DHX57: variants seen among roughly 807,000 people sequenced by gnomAD.
DHX57 encodes DExH-box helicase 57, also known as putative ATP-dependent RNA helicase DHX57.
DHX57 carries 105 observed loss-of-function variants against 156.2 expected under a neutral mutation model. The observed-to-expected ratio is 0.67, with a 90% confidence interval of 0.57 to 0.79. The LOEUF is 0.79. Among genes scored for constraint, DHX57 ranks in the 30% least tolerant of loss-of-function variants. The pLI, the probability that DHX57 is intolerant of heterozygous loss-of-function variation, is 0.00. For synonymous variants in DHX57, 704 were observed against 595.6 expected (o/e 1.18, Z -2.65); for missense variants, 1,847 against 1,661.9 (o/e 1.11, Z -1.94).
At chr2:38,815,035 T>A (rs546645620) in intron 20 of DHX57, among the ~76,000 whole-genome samples, 77 of 151,790 alleles carry the variant, frequency 5.1e-4, no homozygotes, top group South Asian at 1.0e-3. Context: ...TCTATTCTTA[T>A]GAGTGTTAGC....
chr2:38,812,866 G>GTTTGTTTTTC (rs1485906291), intron 21 of DHX57, among the ~76,000 whole-genome samples: 1 of 15,116 alleles, frequency 6.6e-5, no homozygotes, highest in Non-Finnish European at 2.3e-4. Flanking sequence ...GTTTGTTTTT[G>GTTTGTTTTTC]AGACAGAGTC....
At chr2:38,846,093 C>A (rs573950394) in intron 11 of DHX57, among the ~76,000 whole-genome samples, 1 of 151,992 alleles carries the variant, frequency 6.6e-6, no homozygotes, top group African/African-American at 2.4e-5. Flanking sequence ...CTTGAACTCC[C>A]GCCCTCAGGT....
chr2:38,813,064 T>G (rs1670352862), intron 21 of DHX57, among the ~76,000 whole-genome samples: 2 of 151,790 alleles, frequency 1.3e-5, no homozygotes, highest in Admixed American at 1.3e-4. Flanking sequence ...GCCAGGAGGG[T>G]CTTAAACTCC....
At chr2:38,875,162 G>A (rs1029953460) in intron 1 of DHX57, among the ~76,000 whole-genome samples, 1 of 152,192 alleles carries the variant, frequency 6.6e-6, no homozygotes, top group African/African-American at 2.4e-5. Flanking sequence ...GAGTTTTCAA[G>A]GGAATAGGAA....
chr2:38,867,570 G>C (rs1031296365), intron 2 of DHX57, among the ~76,000 whole-genome samples: 1 of 152,082 alleles, frequency 6.6e-6, no homozygotes, highest in Admixed American at 6.6e-5. Context: ...TTCAATGTTT[G>C]TTTTTTGAGA....
At chr2:38,836,643 G>A (rs1056151692) in intron 13 of DHX57, among the ~76,000 whole-genome samples, 5 of 151,868 alleles carry the variant, frequency 3.3e-5, no homozygotes, top group Non-Finnish European at 7.4e-5. Context: ...GCGTGGAGGT[G>A]CACACCTGTA....
intron 2 of DHX57, among the ~76,000 whole-genome samples, chr2:38,866,923 A>G (rs1665106376): frequency 6.6e-6 from 1 of 152,214 alleles, no homozygotes; most frequent in African/African-American, 2.4e-5. Flanking sequence ...ATAGTAGTGT[A>G]CAGTAATATC....
At chr2:38,811,345 C>T (rs1476910538) in intron 21 of DHX57, 2 of 526,930 alleles carry the variant, frequency 3.8e-6, no homozygotes, top group South Asian at 1.6e-5. Context: ...CATACTTTGC[C>T]CCCTCCCACT....
In DHX57 at chr2:38,798,223, C is replaced by T. The variant is rs1305002396; in HGVS notation, c.*76G>A. ...GGCCAGCCCCAATAGGTCTTTAGTT[C>T]GAGGTAGAGGTTCTGCTGTTATTTC... On this transcript the variant is annotated 3_prime_UTR_variant, in exon 24 of 24. Transcript: ENST00000457308. 18 of 1,539,330 alleles carry T rather than the reference C, an allele frequency of 1.2e-5. No homozygotes were observed. The highest frequency in any genetic ancestry group is 2.3e-5 in the East Asian group (1 of 44,232).
chr2:38,868,094 C>A, intron 2 of DHX57, 88 bp downstream of exon 2: 1 of 1,512,576 alleles, frequency 6.6e-7, no homozygotes, highest in Non-Finnish European at 9.0e-7. Context: ...AATTACTCGA[C>A]TTTTTTTCCA....
intron 21 of DHX57, chr2:38,810,801 G>T (rs781692816): frequency 2.0e-5 from 15 of 752,818 alleles, no homozygotes; most frequent in Non-Finnish European, 3.3e-5. Flanking sequence ...CTAAATGAGG[G>T]TGGTAAAGGA....
rs1448154124 is a variant in DHX57 at position 38,802,982 on chromosome 2, T to G, written c.3817-67A>C. On this transcript the variant is annotated intron_variant, in intron 22 of 23. Coordinates refer to ENST00000457308, the MANE Select transcript of DHX57 (RefSeq NM_198963.3). ...CAACAAAAAGGGAACAACCCCCCAG[T>G]CCCACGGATTTAAATACTGCCTATT... 5.7e-6 allele frequency: 9 copies of G among 1,570,326 alleles called. No homozygotes were observed. The East Asian group carries it at 2.0e-4, about 35-fold the overall frequency.
chr2:38,842,281 G>C (rs184110149), intron 12 of DHX57, among the ~76,000 whole-genome samples: 1 of 152,294 alleles, frequency 6.6e-6, no homozygotes, highest in Non-Finnish European at 1.5e-5. Context: ...CAAAGGATGA[G>C]GAGCTGTTCT....
At chr2:38,817,611 T>C (rs1670611037) in intron 19 of DHX57, among the ~76,000 whole-genome samples, 3 of 151,870 alleles carry the variant, frequency 2.0e-5, no homozygotes, top group South Asian at 2.1e-4. Flanking sequence ...CCATAGTCCC[T>C]GGCCTCATCA....
intron 21 of DHX57, among the ~76,000 whole-genome samples, chr2:38,807,656 CTTTT>C (rs1184228045): frequency 6.6e-6 from 1 of 151,144 alleles, no homozygotes; most frequent in Non-Finnish European, 1.5e-5. Context: ...TGCGCCCGGC[CTTTT>C]TTTTGAGACG....
chr2:38,806,301 T>C, intron 22 of DHX57: 1 of 407,176 alleles, frequency 2.5e-6, no homozygotes, highest in Non-Finnish European at 4.4e-6. Flanking sequence ...TGACTTCAAT[T>C]ACCATTGCAA....
chr2:38,837,742 T>A, intron 13 of DHX57, 89 bp downstream of exon 13: 1 of 783,408 alleles, frequency 1.3e-6, no homozygotes, highest in Non-Finnish European at 2.2e-6. Context: ...AGAGTCTGCA[T>A]GTAATTCAAG....
intron 2 of DHX57, 142 bp from the exon 3 acceptor site, chr2:38,863,661 T>C: frequency 1.3e-6 from 1 of 785,842 alleles, no homozygotes; most frequent in Non-Finnish European, 2.0e-6. Context: ...GAGGAGATTC[T>C]CCATTTTCTA....
chr2:38,862,610 T>C (rs1182102893), intron 3 of DHX57: 2 of 238,852 alleles, frequency 8.4e-6, no homozygotes, highest in African/African-American at 2.2e-5. Flanking sequence ...TTTTTTTTTT[T>C]TTTCTAGATG....
Sources: gnomAD v4.1 joint callset for allele counts (sites outside exome capture counted in the v4.1 genomes callset) on GRCh38, gnomAD v4.1.1 for gene constraint, MANE v1.5 for transcripts, NCBI Gene and HGNC (gene_info 2026-07-23, HGNC 2026-07-21) for gene names.